VASH1: variants seen among roughly 807,000 people sequenced by gnomAD.
VASH1 encodes vasohibin 1, also known as tubulinyl-Tyr carboxypeptidase 1.
A neutral mutation model predicts 35.0 loss-of-function variants in VASH1; 16 were observed. The observed-to-expected ratio is 0.46, with a 90% CI of 0.31 to 0.70. The LOEUF (loss-of-function observed/expected upper bound fraction) is 0.70. VASH1 is among the 30% of genes least tolerant of loss of function. The pLI, the probability that VASH1 is intolerant of heterozygous loss-of-function variation, is 0.05. For synonymous variants in VASH1, 214 were observed against 200.9 expected (o/e 1.07, Z -0.55); for missense variants, 505 against 510.7 (o/e 0.99, Z 0.11).
rs1217410626 is a variant in VASH1 at position 76,779,160 on chromosome 14, C to A, written c.*142C>A. 1.1e-6 allele frequency: 1 copy of A among 944,998 alleles called. No homozygotes were observed. Among genetic ancestry groups the A allele is most frequent in the Non-Finnish European group, 1.7e-6 (1 of 602,110 alleles). The allele number at this position is 944,998 out of a possible 1,614,324, so 58.5% of individuals were successfully genotyped here. ...GGAAGAGTGTGTTCCAGCTCAGCCC[C>A]CCAAGCTGCTCTCGCTCCCACTGAG... On this transcript the variant is annotated 3_prime_UTR_variant, in exon 7 of 7. Transcript: ENST00000167106.
rs546179892 is a variant in VASH1 at position 76,777,501 on chromosome 14, G to A, written c.913-458G>A. Among the ~76,000 whole-genome samples, 9 of 152,324 alleles carry A rather than the reference G, an allele frequency of 5.9e-5. No homozygotes were observed. In the South Asian group the frequency reaches 1.9e-3, roughly 32 times the overall value. ...TGAAAACTCAAGTCAAGCTGACGGT[G>A]CCATATAAAGGATGACTCTTTTGTT... On this transcript the variant is annotated intron_variant, in intron 5 of 6. Transcript: ENST00000167106.
chr14:76,763,793 T>C (rs571576765), intron 1 of VASH1, among the ~76,000 whole-genome samples: 10 of 152,230 alleles, frequency 6.6e-5, no homozygotes, highest in Admixed American at 5.9e-4. Context: ...AATGAAATAA[T>C]TTTTCTGTGT....
At chr14:76,771,816 A>G (rs1158001719) in intron 3 of VASH1, among the ~76,000 whole-genome samples, 1 of 152,122 alleles carries the variant, frequency 6.6e-6, no homozygotes, top group African/African-American at 2.4e-5. Context: ...CCCTGCCTGG[A>G]TTCACTTCCC....
chr14:76,771,470 G>C (rs1356774692), intron 3 of VASH1, among the ~76,000 whole-genome samples: 1 of 152,230 alleles, frequency 6.6e-6, no homozygotes, highest in African/African-American at 2.4e-5. Flanking sequence ...GAAATCCCGG[G>C]TCCATGCTGA....
chr14:76,768,271 G>GC (rs1595269664), intron 1 of VASH1, among the ~76,000 whole-genome samples: 1 of 152,338 alleles, frequency 6.6e-6, no homozygotes, highest in East Asian at 1.9e-4. Context: ...AGAGGGGGGA[G>GC]CCCCCCACCC....
At chr14:76,776,340 G>C in intron 5 of VASH1, 67 bp downstream of exon 5, 1 of 1,464,208 alleles carries the variant, frequency 6.8e-7, no homozygotes, top group Non-Finnish European at 9.0e-7. Flanking sequence ...GAGGCGATGT[G>C]AGGATTGAGA....
chr14:76,771,180 G>T lies in VASH1; in HGVS notation c.399-10G>T. The T allele has an allele frequency of 1.3e-6, 2 of 1,585,730 alleles. No homozygotes were observed. Among genetic ancestry groups the T allele is most frequent in the East Asian group, 2.3e-5 (1 of 42,706 alleles). On this transcript the variant is annotated splice_polypyrimidine_tract_variant and intron_variant, in intron 2 of 6. Coordinates refer to ENST00000167106, the MANE Select transcript of VASH1 (RefSeq NM_014909.5). Reference sequence around the variant, plus strand: ...GGCCAAGCTAGGAAGCCCTTAACCCGTGCCCACAGGTACAATCACACAGGG... The same window carrying T: ...GGCCAAGCTAGGAAGCCCTTAACCCTTGCCCACAGGTACAATCACACAGGG...
At position 76,763,096 on chromosome 14, in the gene VASH1, C is replaced by A. The variant is rs369339672; in HGVS notation, c.275C>A (p.Ala92Glu). The A allele has an allele frequency of 2.6e-5, 39 of 1,497,444 alleles. No homozygotes were observed. Among genetic ancestry groups the A allele is most frequent in the Non-Finnish European group, 3.4e-5 (38 of 1,117,218 alleles). 92.8% of individuals were successfully genotyped at this position (1,497,444 alleles called of 1,614,324 possible). Residue 92 changes from alanine to glutamate, a missense_variant, in exon 1 of 7, where the codon GCG (alanine) becomes GAG (glutamate). By Grantham distance (107) the Ala-to-Glu change is moderately radical. Coordinates refer to ENST00000167106, the MANE Select transcript of VASH1 (RefSeq NM_014909.5). ...AKIHPDGEKV[A>E]QRIRGATDLP... ...ATCCACCCCGATGGAGAGAAGGTGGCGCAACGGATCCGTGGGGCCACAGAC... is the reference window on the plus strand; with the variant it reads ...ATCCACCCCGATGGAGAGAAGGTGGAGCAACGGATCCGTGGGGCCACAGAC...
Position 76,763,001 on chromosome 14 carries a change from C to T in VASH1, c.180C>T (p.Phe60=). ...ACCTGCGAGACGGAGGCGTCCCCTT[C>T]TTTGTCAACCGGGGTGGGCTACCTG... ...EEDLRDGGVP[F]FVNRGGLPVD... The change falls in exon 1 of 7, where the codon TTC becomes TTT. Residue 60 remains phenylalanine, a synonymous_variant. Transcript: ENST00000167106. The T allele has an allele frequency of 6.5e-7, 1 of 1,549,456 alleles. No homozygotes were observed. Among genetic ancestry groups the T allele is most frequent in the East Asian group, 2.4e-5 (1 of 41,006 alleles).
At chr14:76,769,829 A>G in intron 1 of VASH1, 134 bp from the exon 2 acceptor site, 1 of 856,602 alleles carries the variant, frequency 1.2e-6, no homozygotes. Flanking sequence ...CAAGAAAGGA[A>G]GCTCAAGTGG....
At position 76,776,109 on chromosome 14, in the gene VASH1, T is replaced by G. The variant is rs1348354440; in HGVS notation, c.748T>G (p.Cys250Gly). 1 of 1,609,094 alleles carries G rather than the reference T, an allele frequency of 6.2e-7. No homozygotes were observed. Among genetic ancestry groups the G allele is most frequent in the African/African-American group, 1.3e-5 (1 of 74,914 alleles). Residue 250 changes from cysteine (C) to glycine (G), a missense_variant, in exon 5 of 7, where the codon TGC becomes GGC. Physicochemically the swap from Cys to Gly is radical, Grantham distance 159 (BLOSUM62 -3). Coordinates refer to ENST00000167106, the MANE Select transcript of VASH1 (RefSeq NM_014909.5). Reference sequence around the variant, plus strand: ...GGACTTCGAGGCCGCCTACGGCCGCTGCTGGCACGTGCTCAAGAAGGTGAA... The same window carrying G: ...GGACTTCGAGGCCGCCTACGGCCGCGGCTGGCACGTGCTCAAGAAGGTGAA... ...VLDFEAAYGR[C>G]WHVLKKVKLG...
Position 76,762,411 on chromosome 14 carries a change from G to A in VASH1, c.-411G>A. 6.3e-6 allele frequency: 1 copy of A among 158,846 alleles called. No homozygotes were observed. Among genetic ancestry groups the A allele is most frequent in the Non-Finnish European group, 1.4e-5 (1 of 72,710 alleles). 9.8% of individuals were successfully genotyped at this position (158,846 alleles called of 1,614,324 possible). A position where few individuals can be genotyped will look rare whatever the true frequency, so the allele number is the denominator to read the frequency against. On this transcript the variant is annotated 5_prime_UTR_variant, in exon 1 of 7. It adds an upstream start codon to the 5' untranslated region. Transcript: ENST00000167106. ...GACCCAGGGCGCCCAGTGGGCACCCGTGCCTTGACTCTGTCCTTTCTGCAG... is the reference window on the plus strand; with the variant it reads ...GACCCAGGGCGCCCAGTGGGCACCCATGCCTTGACTCTGTCCTTTCTGCAG...
rs540635350 is a variant in VASH1, at chr14:76,776,305, C to T, written c.912+32C>T. On this transcript the variant is annotated intron_variant, in intron 5 of 6. Transcript: ENST00000167106. Reference sequence around the variant, plus strand: ...CCGCCTTCCACGCCCTCGCCCCCTCCCTCGCCCCCTCCCCCGCCCCAGCAG... The same window carrying T: ...CCGCCTTCCACGCCCTCGCCCCCTCTCTCGCCCCCTCCCCCGCCCCAGCAG... The T allele has an allele frequency of 2.7e-6, 4 of 1,500,222 alleles. No homozygotes were observed. In the African/African-American group the frequency reaches 4.1e-5, roughly 15 times the overall value. 92.9% of individuals were successfully genotyped at this position (1,500,222 alleles called of 1,614,324 possible).
At chr14:76,775,450 T>C (rs2140185256) in intron 4 of VASH1, among the ~76,000 whole-genome samples, 1 of 152,048 alleles carries the variant, frequency 6.6e-6, no homozygotes, top group African/African-American at 2.4e-5. Context: ...CAGGGTTGCA[T>C]GTGGATATGG....
Position 76,779,420 on chromosome 14 carries a change from G to A in VASH1, c.*402G>A, listed in dbSNP as rs565759703. On this transcript the variant is annotated 3_prime_UTR_variant, in exon 7 of 7. Transcript: ENST00000167106. ...GGGAGTTGGGTGCATCTTATCAGTG[G>A]GAAATCTCCCAGCCTTACCAGGCCT... is the stretch of plus-strand genomic sequence containing the variant. The A allele has an allele frequency of 2.2e-4, 153 of 692,118 alleles. 4 individuals are homozygous for A. The highest frequency in any genetic ancestry group is 2.1e-3 in the South Asian group (143 of 67,284). The allele number at this position is 692,118 out of a possible 1,614,324, so 42.9% of individuals were successfully genotyped here.
chr14:76,776,365 C>CA, intron 5 of VASH1, 92 bp downstream of exon 5: 1 of 1,431,594 alleles, frequency 7.0e-7, no homozygotes, highest in Non-Finnish European at 9.2e-7. Flanking sequence ...TGGGGAGCTT[C>CA]TCAGGGGACT....
intron 4 of VASH1, chr14:76,774,889 C>G (rs1472194320): frequency 1.3e-5 from 2 of 152,286 alleles, no homozygotes; most frequent in African/African-American, 4.8e-5. Flanking sequence ...AGTTCCTTAA[C>G]ATCTCTGAGC....
chr14:76,776,725 G>A lies in VASH1; in HGVS notation c.912+452G>A, dbSNP rs559227480. On this transcript the variant is annotated intron_variant, in intron 5 of 6. Transcript: ENST00000167106. Reference sequence around the variant, plus strand: ...TCTTCCCACCCACACTTGAGCAGGAGGTGATAGGGAGTTGGGCTGGGGGCT... The same window carrying A: ...TCTTCCCACCCACACTTGAGCAGGAAGTGATAGGGAGTTGGGCTGGGGGCT... 1.4e-4 allele frequency among the ~76,000 whole-genome samples: 22 copies of A among 152,288 alleles called. No homozygotes were observed. In the South Asian group the frequency reaches 4.6e-3, roughly 32 times the overall value.
At position 76,762,438 on chromosome 14, in the gene VASH1, C is replaced by T. The variant is rs117247372; in HGVS notation, c.-384C>T. The T allele has an allele frequency of 0.016, 2,630 of 166,528 alleles. 23 individuals carry two copies. The highest frequency in any genetic ancestry group is 0.023 in the Non-Finnish European group (1,787 of 78,012). 10.3% of individuals were successfully genotyped at this position (166,528 alleles called of 1,614,324 possible). A position where few individuals can be genotyped will look rare whatever the true frequency, so the allele number is the denominator to read the frequency against. ...GCCTTGACTCTGTCCTTTCTGCAGC[C>T]GCTGGTCCGAGCTGTCTGGCCTCAG... On this transcript the variant is annotated 5_prime_UTR_variant, in exon 1 of 7. Transcript: ENST00000167106.
Sources: allele counts gnomAD v4.1 joint callset (sites outside exome capture counted in the v4.1 genomes callset), GRCh38; gene constraint gnomAD v4.1.1; transcripts MANE v1.5; gene names NCBI Gene and HGNC (gene_info 2026-07-23, HGNC 2026-07-21).